The following FCF1 variants were observed in gnomAD, a reference collection of about 807,000 sequenced individuals.
FCF1 encodes the protein FCF1 rRNA-processing protein, also known as rRNA-processing protein FCF1 homolog.
FCF1 carries 17 observed loss-of-function variants against 32.5 expected under a neutral mutation model. The ratio of observed to expected loss-of-function variants is 0.52; its 90% confidence interval spans 0.36 to 0.78. The LOEUF is 0.78. Ranked by LOEUF, FCF1 falls within the 30% of genes least tolerant of loss-of-function variation. The pLI, the probability that FCF1 is intolerant of heterozygous loss-of-function variation, is 0.00. For synonymous variants in FCF1, 84 were observed against 78.4 expected (o/e 1.07, Z -0.38); for missense variants, 201 against 241.1 (o/e 0.83, Z 1.10).
At chr14:74,730,540 C>T (rs1017571662) in intron 5 of FCF1, among the ~76,000 whole-genome samples, 2 of 152,136 alleles carry the variant, frequency 1.3e-5, no homozygotes, top group African/African-American at 4.8e-5. Context: ...GTGGTGAAAC[C>T]TCATCTCTGC....
intron 5 of FCF1, among the ~76,000 whole-genome samples, chr14:74,728,344 G>A (rs1677450365): frequency 6.6e-6 from 1 of 151,910 alleles, no homozygotes; most frequent in African/African-American, 2.4e-5. Context: ...GGATTCCTAG[G>A]TATTTTATTC....
rs2090703146 is a variant in FCF1 at position 74,735,999 on chromosome 14, T to A, written c.*1069T>A. The A allele has an allele frequency of 6.5e-6, 1 of 153,214 alleles. No homozygotes were observed. The highest frequency in any genetic ancestry group is 2.4e-5 in the African/African-American group (1 of 41,444). 9.5% of individuals were successfully genotyped at this position (153,214 alleles called of 1,614,324 possible). A position where few individuals can be genotyped will look rare whatever the true frequency, so the allele number is the denominator to read the frequency against. ...TCATTGCAACCTCCGCCTCCCAGGTTCAAGCGATTCTCCTGCCTCAGCCTG... is the reference window on the plus strand; with the variant it reads ...TCATTGCAACCTCCGCCTCCCAGGTACAAGCGATTCTCCTGCCTCAGCCTG... On this transcript the variant is annotated 3_prime_UTR_variant, in exon 8 of 8. Coordinates refer to ENST00000341162, the MANE Select transcript of FCF1 (RefSeq NM_015962.5).
rs114161660 is a variant in FCF1, at chr14:74,714,329, C to T, written c.72-543C>T. Among the ~76,000 whole-genome samples, 74 of 152,112 alleles carry T rather than the reference C, an allele frequency of 4.9e-4. 1 individual carries two copies. The highest frequency in any genetic ancestry group is 7.4e-5 in the Non-Finnish European group (5 of 68,022). On this transcript the variant is annotated intron_variant, in intron 2 of 7. Coordinates refer to ENST00000341162, the MANE Select transcript of FCF1 (RefSeq NM_015962.5). ...AAGAGTCTCAGAATAAGAGAATAGT[C>T]GTTAAAACCTTCAGAATTATTATTC...
rs2090693899 is a variant in FCF1, at chr14:74,735,390, T to G, written c.*460T>G. The stretch of plus-strand genomic sequence containing the variant: ...CCACAGAAAAACAGGCAGTTAATTT[T>G]TAAAGGACTCCAGCTCTTTCTCTTT... On this transcript the variant is annotated 3_prime_UTR_variant, in exon 8 of 8. Coordinates refer to ENST00000341162, the MANE Select transcript of FCF1 (RefSeq NM_015962.5). 1.3e-5 allele frequency: 2 copies of G among 152,656 alleles called. No homozygotes were observed. The highest frequency in any genetic ancestry group is 2.4e-5 in the African/African-American group (1 of 41,452). 9.5% of individuals were successfully genotyped at this position (152,656 alleles called of 1,614,324 possible).
intron 5 of FCF1, among the ~76,000 whole-genome samples, chr14:74,731,251 G>T (rs1234056282): frequency 6.6e-6 from 1 of 152,056 alleles, no homozygotes; most frequent in East Asian, 1.9e-4. Context: ...GCTGGAGGGG[G>T]GTATAGGTAA....
intron 4 of FCF1, among the ~76,000 whole-genome samples, chr14:74,718,153 C>T (rs2090446618): frequency 6.6e-6 from 1 of 152,228 alleles, no homozygotes; most frequent in Non-Finnish European, 1.5e-5. Context: ...GCGTGAGCCA[C>T]CGTGCCTGGC....
chr14:74,735,102 A>C lies in FCF1; in HGVS notation c.*172A>C. On this transcript the variant is annotated 3_prime_UTR_variant, in exon 8 of 8. Coordinates refer to ENST00000341162, the MANE Select transcript of FCF1 (RefSeq NM_015962.5). ...GTCAGATTAACATCCAAAGGACTGAACCCTGAACAGAGTTAAGTTACCTTT... is the reference window on the plus strand; with the variant it reads ...GTCAGATTAACATCCAAAGGACTGACCCCTGAACAGAGTTAAGTTACCTTT... The C allele has an allele frequency of 2.1e-5, 11 of 516,550 alleles. No individual in the cohort carries two copies. The highest frequency in any genetic ancestry group is 4.2e-5 in the South Asian group (2 of 47,184). 32.0% of individuals were successfully genotyped at this position (516,550 alleles called of 1,614,324 possible).
chr14:74,714,778 C>CAAAAA, intron 2 of FCF1, 94 bp from the exon 3 acceptor site: 1 of 1,309,690 alleles, frequency 7.6e-7, no homozygotes, highest in Non-Finnish European at 1.0e-6. Context: ...TTCAGTAGAC[C>CAAAAA]AAAAAAAAAA....
intron 4 of FCF1, among the ~76,000 whole-genome samples, chr14:74,718,197 C>G (rs926114215): frequency 2.0e-5 from 3 of 152,136 alleles, no homozygotes; most frequent in Admixed American, 2.0e-4. Flanking sequence ...GAAGGCCTTT[C>G]TCTTCCTCTT....
chr14:74,719,307 AAAG>A (rs869292069), intron 4 of FCF1, among the ~76,000 whole-genome samples: 9,758 of 144,530 alleles, frequency 0.068, 975 homozygotes, highest in African/African-American at 0.21. Context: ...AAAAAAAAAA[AAAG>A]AAGAAGAAGA....
Position 74,735,004 on chromosome 14 carries a change from A to G in FCF1, c.*74A>G, listed in dbSNP as rs1447391607. 1 of 1,286,008 alleles carries G rather than the reference A, an allele frequency of 7.8e-7. No individual in the cohort carries two copies. 79.7% of individuals were successfully genotyped at this position (1,286,008 alleles called of 1,614,324 possible). On this transcript the variant is annotated 3_prime_UTR_variant, in exon 8 of 8. Transcript: ENST00000341162. Reference sequence around the variant, plus strand: ...GTTGCCAGTTCATTACACAAAATGTAGCGGGATTTTTAAGGAATCAGAGAG... The same window carrying G: ...GTTGCCAGTTCATTACACAAAATGTGGCGGGATTTTTAAGGAATCAGAGAG...
At chr14:74,731,364 A>G (rs1039146183) in intron 5 of FCF1, among the ~76,000 whole-genome samples, 9 of 152,176 alleles carry the variant, frequency 5.9e-5, no homozygotes, top group African/African-American at 2.2e-4. Flanking sequence ...GAGTAAAGAG[A>G]TAACTGAAAG....
At chr14:74,722,917 G>A (rs908803129) in intron 4 of FCF1, among the ~76,000 whole-genome samples, 1 of 151,854 alleles carries the variant, frequency 6.6e-6, no homozygotes, top group East Asian at 1.9e-4. Context: ...AGTTGAGATC[G>A]TGCCACTGCG....
At chr14:74,733,630 T>A (rs2090666442) in intron 6 of FCF1, among the ~76,000 whole-genome samples, 1 of 152,136 alleles carries the variant, frequency 6.6e-6, no homozygotes. Context: ...GGGGATAGCT[T>A]ACCTCTAACA....
In FCF1 at chr14:74,732,032, C is replaced by A. The variant is rs141841422; in HGVS notation, c.366-699C>A. Among the ~76,000 whole-genome samples, 7 of 152,306 alleles carry A rather than the reference C, an allele frequency of 4.6e-5. No individual in the cohort carries two copies. The East Asian group carries it at 1.3e-3, about 29-fold the overall frequency. ...TCTACATTCATACTTTGTCCATTCT[C>A]ATACCCCAAGAGTGACAACTGACAA... On this transcript the variant is annotated intron_variant, in intron 5 of 7. Transcript: ENST00000341162.
intron 2 of FCF1, chr14:74,713,753 T>C (rs1594779179): frequency 1.7e-6 from 1 of 604,166 alleles, no homozygotes; most frequent in African/African-American, 1.9e-5. Context: ...TAAACATTTC[T>C]TAAGTGTTCA....
intron 3 of FCF1, among the ~76,000 whole-genome samples, chr14:74,715,249 T>C (rs888380441): frequency 2.6e-5 from 4 of 152,120 alleles, no homozygotes; most frequent in African/African-American, 9.7e-5. Context: ...AAAGAGAGAC[T>C]GTATCACCAA....
chr14:74,724,750 A>C (rs1319345407), intron 5 of FCF1, among the ~76,000 whole-genome samples: 1 of 152,014 alleles, frequency 6.6e-6, no homozygotes, highest in South Asian at 2.1e-4. Flanking sequence ...ACAAAAAGTA[A>C]AAAAATTAAC....
chr14:74,733,688 G>A (rs913732537), intron 6 of FCF1, among the ~76,000 whole-genome samples: 1 of 152,100 alleles, frequency 6.6e-6, no homozygotes, highest in South Asian at 2.1e-4. Flanking sequence ...GGGAAAGGAG[G>A]GAGCTATGGC....
Sources: allele counts gnomAD v4.1 joint callset (sites outside exome capture counted in the v4.1 genomes callset), GRCh38; gene constraint gnomAD v4.1.1; transcripts MANE v1.5; gene names NCBI Gene and HGNC (gene_info 2026-07-23, HGNC 2026-07-21).